STK3: variants seen among roughly 807,000 people sequenced by gnomAD.
The protein encoded by STK3 is serine/threonine-protein kinase 3.
A neutral mutation model predicts 58.0 loss-of-function variants in STK3; 41 were observed. The ratio of observed to expected loss-of-function variants is 0.71; its 90% CI spans 0.55 to 0.92. The LOEUF (loss-of-function observed/expected upper bound fraction) is 0.92. Ranked by LOEUF, STK3 falls within the 40% of genes least tolerant of loss-of-function variation. The probability of loss-of-function intolerance (pLI) is 0.00; values close to 1 mark genes in which losing one functional copy is unlikely to be tolerated. For synonymous variants in STK3, 170 were observed against 191.0 expected (o/e 0.89, Z 0.91); for missense variants, 479 against 602.7 (o/e 0.79, Z 2.15).
At chr8:98,441,780 C>A (rs1366920340) in intron 1 of STK3, among the ~76,000 whole-genome samples, 3 of 152,190 alleles carry the variant, frequency 2.0e-5, no homozygotes, top group Non-Finnish European at 4.4e-5. Context: ...CTGGCCATCC[C>A]TCTTGCTCCA....
At chr8:98,695,030 A>T (rs1412375999) in intron 6 of STK3, among the ~76,000 whole-genome samples, 1 of 152,154 alleles carries the variant, frequency 6.6e-6, no homozygotes, top group South Asian at 2.1e-4. Context: ...CTGACTTTTT[A>T]ATGATTGCCA....
chr8:98,684,183 A>C (rs1187719392), intron 6 of STK3, among the ~76,000 whole-genome samples: 1 of 152,198 alleles, frequency 6.6e-6, no homozygotes, highest in Non-Finnish European at 1.5e-5. Flanking sequence ...AATGTATCAC[A>C]GTCCTAATAG....
At chr8:98,810,457 A>T (rs1392875031) in intron 1 of STK3, among the ~76,000 whole-genome samples, 1 of 151,812 alleles carries the variant, frequency 6.6e-6, no homozygotes, top group Non-Finnish European at 1.5e-5. Flanking sequence ...TTTTTTAATA[A>T]TAGTCATCCT....
At chr8:98,661,363 T>C (rs1821954089) in intron 6 of STK3, among the ~76,000 whole-genome samples, 1 of 152,088 alleles carries the variant, frequency 6.6e-6, no homozygotes, top group South Asian at 2.1e-4. Context: ...AGTTTTAAAA[T>C]ACTAACCACA....
chr8:98,685,298 C>G (rs1377009406), intron 6 of STK3, among the ~76,000 whole-genome samples: 1 of 152,028 alleles, frequency 6.6e-6, no homozygotes, highest in Non-Finnish European at 1.5e-5. Flanking sequence ...TAATTATTTC[C>G]TCAATATTAC....
chr8:98,776,191 G>A (rs1831665200), intron 1 of STK3, among the ~76,000 whole-genome samples: 1 of 152,232 alleles, frequency 6.6e-6, no homozygotes, highest in South Asian at 2.1e-4. Flanking sequence ...AACTGTCCTG[G>A]GAGGTGCTAA....
chr8:98,806,453 A>C (rs1833890975), intron 1 of STK3, among the ~76,000 whole-genome samples: 3 of 152,230 alleles, frequency 2.0e-5, no homozygotes, highest in African/African-American at 7.2e-5. Flanking sequence ...TGAAATGGCC[A>C]ATGGGGATAT....
At chr8:98,447,119 C>T (rs777500498) in intron 1 of STK3, among the ~76,000 whole-genome samples, 6 of 151,852 alleles carry the variant, frequency 4.0e-5, no homozygotes, top group Admixed American at 2.0e-4. Context: ...GAGAGGAACA[C>T]GAAAAATAAC....
At chr8:98,812,827 A>T (rs1035214157) in intron 1 of STK3, among the ~76,000 whole-genome samples, 1 of 152,192 alleles carries the variant, frequency 6.6e-6, no homozygotes, top group African/African-American at 2.4e-5. Context: ...ATAGGTGGGA[A>T]TTGAACAATG....
At chr8:98,654,443 T>A (rs1301816497) in intron 6 of STK3, among the ~76,000 whole-genome samples, 1 of 152,126 alleles carries the variant, frequency 6.6e-6, no homozygotes, top group Admixed American at 6.5e-5. Context: ...ATGCCCTCTC[T>A]CACCACTCCT....
chr8:98,374,002 A>G (rs997162212), intron 2 of STK3, among the ~76,000 whole-genome samples: 1 of 152,200 alleles, frequency 6.6e-6, no homozygotes, highest in South Asian at 2.1e-4. Flanking sequence ...TAGATCTGAA[A>G]TGGAATGATC....
intron 10 of STK3, among the ~76,000 whole-genome samples, chr8:98,486,789 T>A (rs1822298449): frequency 6.6e-6 from 1 of 152,136 alleles, no homozygotes; most frequent in Admixed American, 6.5e-5. Flanking sequence ...GCAGCAAAAC[T>A]CAAATGAAAG....
In STK3 at chr8:98,596,091, C is replaced by T; in HGVS notation, c.763G>A (p.Val255Ile). 1 of 1,613,224 alleles carries T rather than the reference C, an allele frequency of 6.2e-7. No homozygotes were observed. The highest frequency in any genetic ancestry group is 8.5e-7 in the Non-Finnish European group (1 of 1,179,588). Residue 255 changes from valine to isoleucine, a missense_variant, in exon 7 of 11, where the codon GTT (valine) becomes ATT (isoleucine). Physicochemically the swap from Val to Ile is conservative, Grantham distance 29. Transcript: ENST00000419617. The part of the protein sequence containing the change: ...ELWSDDFTDF[V>I]KKCLVKNPEQ... ...GGATTCTTCACCAAACACTTTTTAA[C>T]AAAATCGGTGAAATCATCGGACCAA...
intron 2 of STK3, among the ~76,000 whole-genome samples, chr8:98,376,313 T>C (rs1455940439): frequency 6.6e-6 from 1 of 152,250 alleles, no homozygotes; most frequent in African/African-American, 2.4e-5. Context: ...TTCTATATTC[T>C]GGATACAAGT....
intron 10 of STK3, among the ~76,000 whole-genome samples, chr8:98,487,698 GT>G (rs1056392992): frequency 6.6e-6 from 1 of 152,116 alleles, no homozygotes; most frequent in Non-Finnish European, 1.5e-5. Context: ...TCCCCCTGTA[GT>G]TACACAGAAC....
downstream of STK3, among the ~76,000 whole-genome samples, chr8:98,369,560 C>A (rs1434975005): frequency 5.3e-5 from 8 of 152,066 alleles, no homozygotes; most frequent in Admixed American, 5.2e-4. Context: ...GCCTGGGATT[C>A]CAGAAAATAA....
chr8:98,908,860 A>AG (rs1410205865), intron 1 of STK3, among the ~76,000 whole-genome samples: 20 of 149,786 alleles, frequency 1.3e-4, no homozygotes, highest in African/African-American at 2.7e-4. Flanking sequence ...AAAAAAAAAA[A>AG]AAAAGAAAAA....
At chr8:98,560,919 G>T (rs964287191) in intron 8 of STK3, among the ~76,000 whole-genome samples, 9 of 152,052 alleles carry the variant, frequency 5.9e-5, no homozygotes, top group Non-Finnish European at 1.2e-4. Flanking sequence ...TACAGTCCCA[G>T]CTACTTGGGA....
At chr8:98,808,459 T>C (rs1213735086) in intron 1 of STK3, among the ~76,000 whole-genome samples, 1 of 152,242 alleles carries the variant, frequency 6.6e-6, no homozygotes, top group African/African-American at 2.4e-5. Context: ...TAACTTCTGC[T>C]AAGGATGTCT....
Sources: gnomAD v4.1 joint callset for allele counts (sites outside exome capture counted in the v4.1 genomes callset) on GRCh38, gnomAD v4.1.1 for gene constraint, MANE v1.5 for transcripts, NCBI Gene and HGNC (gene_info 2026-07-23, HGNC 2026-07-21) for gene names.